The following CTNND2 variants were observed in gnomAD, a reference collection of about 807,000 sequenced individuals.
CTNND2 encodes catenin delta 2.
In CTNND2, 22 loss-of-function variants were observed where a neutral mutation model predicts 144.4. That is an observed-to-expected ratio of 0.15 (90% CI 0.11 to 0.22). The LOEUF (loss-of-function observed/expected upper bound fraction) is 0.22, where lower values mean the gene tolerates loss of function less well. Ranked by LOEUF, CTNND2 falls within the 10% of genes least tolerant of loss-of-function variation. CTNND2 has a pLI of 1.00. For synonymous variants in CTNND2, 751 were observed against 695.6 expected (o/e 1.08, Z -1.25); for missense variants, 1,353 against 1,618.8 (o/e 0.84, Z 2.82).
intron 3 of CTNND2, among the ~76,000 whole-genome samples, chr5:11,471,821 A>G (rs568025690): frequency 3.5e-4 from 53 of 152,336 alleles, no homozygotes; most frequent in African/African-American, 1.0e-3. Context: ...AAGAATAGGA[A>G]TTAGGTTTAA....
At chr5:11,788,692 A>G (rs1790973532) in intron 1 of CTNND2, among the ~76,000 whole-genome samples, 1 of 152,062 alleles carries the variant, frequency 6.6e-6, no homozygotes, top group Non-Finnish European at 1.5e-5. Flanking sequence ...ATTATTATTT[A>G]TTATACTTTA....
In CTNND2 at chr5:11,117,582, G is replaced by A. The variant is rs1244637247; in HGVS notation, c.2160-15C>T. The A allele has an allele frequency of 1.9e-6, 3 of 1,597,508 alleles. No homozygotes were observed. The highest frequency in any genetic ancestry group is 1.3e-5 in the African/African-American group (1 of 74,656). On this transcript the variant is annotated splice_polypyrimidine_tract_variant and intron_variant, in intron 12 of 21. Transcript: ENST00000304623. ...AACTAACATTCCTGCAAAGCAAAAG[G>A]ACACGTCAGCGATCTTCACGGTTGT...
At position 11,798,286 on chromosome 5, in the gene CTNND2, T is replaced by C. The variant is rs147121282; in HGVS notation, c.38-66014A>G. 8.8e-3 allele frequency among the ~76,000 whole-genome samples: 1,327 copies of C among 151,130 alleles called. 25 individuals carry two copies. Among genetic ancestry groups the C allele is most frequent in the African/African-American group, 0.03 (1,238 of 41,140 alleles). On this transcript the variant is annotated intron_variant, in intron 1 of 21. Transcript: ENST00000304623. ...AAAAAAAAAAAAAAAAAGGTTTGTG[T>C]GTCTTCAAACCAAGATATCAATTTA...
intron 10 of CTNND2, among the ~76,000 whole-genome samples, chr5:11,208,631 T>C (rs911426150): frequency 2.0e-5 from 3 of 152,026 alleles, no homozygotes; most frequent in Admixed American, 6.6e-5. Flanking sequence ...TTCTTCACAA[T>C]GACAAAAAGT....
intron 1 of CTNND2, among the ~76,000 whole-genome samples, chr5:11,847,126 TTTTA>T (rs1275619034): frequency 6.4e-4 from 67 of 105,476 alleles, no homozygotes; most frequent in African/African-American, 9.4e-4. Context: ...ATGTCAAAGA[TTTTA>T]TATATATATA....
intron 3 of CTNND2, among the ~76,000 whole-genome samples, chr5:11,462,997 T>C (rs896617323): frequency 4.6e-5 from 7 of 152,192 alleles, no homozygotes; most frequent in African/African-American, 1.4e-4. Context: ...TAGTCCTGCA[T>C]TTAAAACTCA....
At chr5:11,552,619 C>T (rs1046881594) in intron 3 of CTNND2, among the ~76,000 whole-genome samples, 16 of 152,296 alleles carry the variant, frequency 1.1e-4, no homozygotes, top group African/African-American at 3.8e-4. Flanking sequence ...AAATGACTAC[C>T]TTAAAGGCAC....
chr5:11,155,143 A>G (rs1394426900), intron 12 of CTNND2, among the ~76,000 whole-genome samples: 5 of 152,212 alleles, frequency 3.3e-5, no homozygotes, highest in Non-Finnish European at 4.4e-5. Flanking sequence ...AGCCAGCTCA[A>G]TGTTCCCTGG....
chr5:11,140,546 T>C (rs1756622333), intron 12 of CTNND2, among the ~76,000 whole-genome samples: 1 of 152,220 alleles, frequency 6.6e-6, no homozygotes, highest in Admixed American at 6.5e-5. Context: ...TGATTCTCTA[T>C]AACTACCTAT....
intron 1 of CTNND2, among the ~76,000 whole-genome samples, chr5:11,824,593 A>G (rs1213436609): frequency 6.6e-5 from 10 of 152,198 alleles, no homozygotes; most frequent in Admixed American, 5.9e-4. Flanking sequence ...AGCAGAAGTC[A>G]GCTACCATTA....
intron 3 of CTNND2, among the ~76,000 whole-genome samples, chr5:11,428,083 A>G (rs1364110202): frequency 6.6e-6 from 1 of 152,174 alleles, no homozygotes; most frequent in African/African-American, 2.4e-5. Flanking sequence ...AGCATGAAAA[A>G]GACCGCCCCC....
At chr5:11,515,969 G>T (rs1048866893) in intron 3 of CTNND2, among the ~76,000 whole-genome samples, 3 of 152,084 alleles carry the variant, frequency 2.0e-5, no homozygotes, top group African/African-American at 7.3e-5. Context: ...AGCCAGGCAT[G>T]GTGGTATGCA....
At chr5:11,235,839 A>G (rs1741570786) in intron 10 of CTNND2, among the ~76,000 whole-genome samples, 1 of 152,244 alleles carries the variant, frequency 6.6e-6, no homozygotes, top group South Asian at 2.1e-4. Context: ...AATGCAAGCA[A>G]GCAAAATCTA....
At chr5:11,188,282 G>T (rs1735861495) in intron 11 of CTNND2, among the ~76,000 whole-genome samples, 1 of 152,166 alleles carries the variant, frequency 6.6e-6, no homozygotes. Context: ...CCATAAAAAG[G>T]AGTGAGATCA....
intron 2 of CTNND2, among the ~76,000 whole-genome samples, chr5:11,648,845 GAGA>G (rs958048154): frequency 4.6e-5 from 7 of 152,272 alleles, no homozygotes; most frequent in Admixed American, 3.9e-4. Flanking sequence ...TACTGATAGA[GAGA>G]AGATCTTTAT....
intron 9 of CTNND2, among the ~76,000 whole-genome samples, chr5:11,313,925 G>A (rs1046893081): frequency 3.3e-5 from 5 of 152,012 alleles, no homozygotes; most frequent in Admixed American, 1.3e-4. Flanking sequence ...TGCCACACAC[G>A]ATTAAACAAC....
chr5:11,171,778 T>C (rs1403055347), intron 11 of CTNND2, among the ~76,000 whole-genome samples: 3 of 152,094 alleles, frequency 2.0e-5, no homozygotes, highest in East Asian at 3.9e-4. Flanking sequence ...GAAGGTTCTA[T>C]GGGAGAGGGA....
At position 11,837,068 on chromosome 5, in the gene CTNND2, T is replaced by C. The variant is rs1467536005; in HGVS notation, c.37+66749A>G. On this transcript the variant is annotated intron_variant, in intron 1 of 21. Coordinates refer to ENST00000304623, the MANE Select transcript of CTNND2 (RefSeq NM_001332.4). Reference sequence around the variant, plus strand: ...AATCAGTTGTGGATCTGGTACTTGTTGTTTTCTGACTTTGGTTCAACCACC... The same window carrying C: ...AATCAGTTGTGGATCTGGTACTTGTCGTTTTCTGACTTTGGTTCAACCACC... Among the ~76,000 whole-genome samples the C allele has an allele frequency of 7.2e-5, 11 of 152,348 alleles. No individual in the cohort carries two copies. In the East Asian group the frequency reaches 1.7e-3, roughly 24 times the overall value.
At chr5:11,510,807 T>G (rs1439327488) in intron 3 of CTNND2, among the ~76,000 whole-genome samples, 1 of 152,152 alleles carries the variant, frequency 6.6e-6, no homozygotes, top group African/African-American at 2.4e-5. Context: ...GGCACATGCA[T>G]GTAGTCCCAG....
Sources: allele counts gnomAD v4.1 joint callset (sites outside exome capture counted in the v4.1 genomes callset), GRCh38; gene constraint gnomAD v4.1.1; transcripts MANE v1.5; gene names NCBI Gene and HGNC (gene_info 2026-07-23, HGNC 2026-07-21).